Variants in MBD2 observed in about 807,000 individuals in gnomAD.
MBD2 encodes methyl-CpG binding domain protein 2.
A neutral mutation model predicts 39.3 loss-of-function variants in MBD2; 9 were observed. That is an observed-to-expected ratio of 0.23 (90% CI 0.14 to 0.40). MBD2 has a LOEUF of 0.40. Among genes scored for constraint, MBD2 ranks in the 10% least tolerant of loss-of-function variants. The pLI is 1.00. For synonymous variants in MBD2, 233 were observed against 211.1 expected, an observed-to-expected ratio of 1.10 and a Z score of -0.90; for missense variants, 458 against 532.6, an observed-to-expected ratio of 0.86 and a Z score of 1.38.
intron 3 of MBD2, among the ~76,000 whole-genome samples, chr18:54,179,064 C>T (rs959551723): frequency 8.5e-5 from 13 of 152,148 alleles, no homozygotes; most frequent in African/African-American, 3.1e-4. Flanking sequence ...GTGGTGTGCA[C>T]CTGTAGTCCC....
At chr18:54,207,807 G>T (rs1368786150) in intron 1 of MBD2, among the ~76,000 whole-genome samples, 1 of 152,118 alleles carries the variant, frequency 6.6e-6, no homozygotes, top group African/African-American at 2.4e-5. Flanking sequence ...GGAGGCCGAG[G>T]CGGGCAGATC....
chr18:54,220,568 G>C (rs1460024488), intron 1 of MBD2, among the ~76,000 whole-genome samples: 4 of 152,124 alleles, frequency 2.6e-5, no homozygotes, highest in African/African-American at 9.7e-5. Context: ...ATCTCCCCAG[G>C]GGCAGGCTAA....
intron 5 of MBD2, among the ~76,000 whole-genome samples, chr18:54,163,486 T>C (rs2144280509): frequency 6.6e-6 from 1 of 152,218 alleles, no homozygotes; most frequent in South Asian, 2.1e-4. Flanking sequence ...AATAATGATA[T>C]TGAGGTCATA....
At position 54,184,333 on chromosome 18, in the gene MBD2, C is replaced by T. The variant is rs376129891; in HGVS notation, c.840+4541G>A. On this transcript the variant is annotated intron_variant, in intron 3 of 6. Transcript: ENST00000256429. ...GAGGCGCGAACCCCATTGTGCTCTGCGCATGTGAGGAATCTAGGTTGCATG... is the reference window on the plus strand; with the variant it reads ...GAGGCGCGAACCCCATTGTGCTCTGTGCATGTGAGGAATCTAGGTTGCATG... 7.2e-5 allele frequency among the ~76,000 whole-genome samples: 11 copies of T among 152,166 alleles called. No individual in the cohort carries two copies. In the South Asian group the frequency reaches 1.5e-3, roughly 20 times the overall value.
intron 2 of MBD2, chr18:54,202,893 G>C (rs1568089819): frequency 9.5e-6 from 11 of 1,160,802 alleles, no homozygotes; most frequent in Middle Eastern, 4.8e-4. Context: ...CACCAGGGAA[G>C]CATTATGGAG....
At chr18:54,190,432 G>A (rs1164390383) in intron 2 of MBD2, among the ~76,000 whole-genome samples, 1 of 152,182 alleles carries the variant, frequency 6.6e-6, no homozygotes, top group Non-Finnish European at 1.5e-5. Flanking sequence ...TGCGACCTGT[G>A]ATGGGATGGG....
chr18:54,222,858 C>T (rs916457682), intron 1 of MBD2, among the ~76,000 whole-genome samples: 1 of 152,208 alleles, frequency 6.6e-6, no homozygotes, highest in Non-Finnish European at 1.5e-5. Context: ...TGTGTATGTA[C>T]ATTTCTTTAA....
At chr18:54,167,837 G>A (rs769743722) in intron 3 of MBD2, among the ~76,000 whole-genome samples, 3 of 151,950 alleles carry the variant, frequency 2.0e-5, no homozygotes, top group African/African-American at 7.3e-5. Flanking sequence ...GTAGTAAGGT[G>A]GAGGTAATAA....
Position 54,159,809 on chromosome 18 carries a change from C to T in MBD2, c.1204G>A (p.Asp402Asn). 1.2e-6 allele frequency: 2 copies of T among 1,612,114 alleles called. No individual in the cohort carries two copies. Among genetic ancestry groups the T allele is most frequent in the Non-Finnish European group, 1.7e-6 (2 of 1,179,980 alleles). Reference protein sequence around the residue: ...LSRAADTEEMDIEMDSGDEA With the variant: ...LSRAADTEEMNIEMDSGDEA ...TCATCTCCACTGTCCATTTCAATAT[C>T]CATCTCTTCTGTATCAGCAGCTCGC... is the stretch of plus-strand genomic sequence containing the variant. The change falls in exon 6 of 7, where the codon GAT (aspartate) becomes AAT (asparagine). Residue 402 changes from aspartate to asparagine, a missense_variant. Asp to Asn is a conservative substitution (Grantham distance 23, BLOSUM62 1). Coordinates refer to ENST00000256429, the MANE Select transcript of MBD2 (RefSeq NM_003927.5).
intron 2 of MBD2, among the ~76,000 whole-genome samples, chr18:54,201,188 A>G (rs1043022533): frequency 6.6e-6 from 1 of 152,144 alleles, no homozygotes; most frequent in Non-Finnish European, 1.5e-5. Context: ...GTTCCCCTGG[A>G]TATGCTGCTC....
chr18:54,200,027 C>G (rs962604513), intron 2 of MBD2, among the ~76,000 whole-genome samples: 1 of 151,798 alleles, frequency 6.6e-6, no homozygotes, highest in Non-Finnish European at 1.5e-5. Flanking sequence ...AGCCATATAC[C>G]AATCCAAGTG....
chr18:54,196,343 C>T (rs1419844947), intron 2 of MBD2, among the ~76,000 whole-genome samples: 2 of 152,116 alleles, frequency 1.3e-5, no homozygotes, highest in Admixed American at 6.5e-5. Context: ...AGAATGATTA[C>T]AATTCATCAA....
chr18:54,168,894 T>A (rs1240733399), intron 3 of MBD2, among the ~76,000 whole-genome samples: 1 of 152,078 alleles, frequency 6.6e-6, no homozygotes, highest in Non-Finnish European at 1.5e-5. Context: ...TCACCTTTTC[T>A]GTACATCCAT....
chr18:54,199,588 G>A (rs1187269459), intron 2 of MBD2, among the ~76,000 whole-genome samples: 4 of 151,978 alleles, frequency 2.6e-5, no homozygotes, highest in Non-Finnish European at 4.4e-5. Context: ...ATTTTAACTC[G>A]ATCTTCCTCA....
intron 1 of MBD2, chr18:54,222,293 A>C: frequency 2.1e-6 from 1 of 484,802 alleles, no homozygotes; most frequent in African/African-American, 2.0e-5. Flanking sequence ...AAATTGTCCC[A>C]TTGAATGACA....
intron 2 of MBD2, among the ~76,000 whole-genome samples, chr18:54,198,719 T>C (rs2086384231): frequency 1.3e-5 from 2 of 152,154 alleles, no homozygotes; most frequent in South Asian, 4.1e-4. Context: ...AACAATAAAA[T>C]GTACACACAC....
chr18:54,163,054 A>T (rs1227568687), intron 5 of MBD2, among the ~76,000 whole-genome samples: 1 of 152,136 alleles, frequency 6.6e-6, no homozygotes, highest in Non-Finnish European at 1.5e-5. Flanking sequence ...CAGGCGGATC[A>T]TGATGTCAGG....
chr18:54,224,621 AC>A lies in MBD2; in HGVS notation c.-63del. The A allele has an allele frequency of 8.6e-7, 1 of 1,162,004 alleles. No individual in the cohort carries two copies. The allele number at this position is 1,162,004 out of a possible 1,614,324, so 72.0% of individuals were successfully genotyped here. A position where few individuals can be genotyped will look rare whatever the true frequency, so the allele number is the denominator to read the frequency against. On this transcript the variant is annotated 5_prime_UTR_variant, in exon 1 of 7. Transcript: ENST00000256429. The stretch of plus-strand genomic sequence containing the variant: ...TAACCGAGCCCTTGGAATCCCGGAG[AC>A]CCGCCCCGCCCGCAGCGCGGCGCGC...
At chr18:54,177,909 AG>A (rs1323587720) in intron 3 of MBD2, among the ~76,000 whole-genome samples, 2 of 132,498 alleles carry the variant, frequency 1.5e-5, no homozygotes, top group Non-Finnish European at 3.1e-5. Flanking sequence ...GTATGATCAT[AG>A]CTCGCTGCAA....
Sources: allele counts gnomAD v4.1 joint callset (sites outside exome capture counted in the v4.1 genomes callset), GRCh38; gene constraint gnomAD v4.1.1; transcripts MANE v1.5; gene names NCBI Gene and HGNC (gene_info 2026-07-23, HGNC 2026-07-21).